MLLT10: variants seen among roughly 807,000 people sequenced by gnomAD.
The protein encoded by MLLT10 is protein AF-10.
In MLLT10, 30 loss-of-function variants were observed where a neutral mutation model predicts 129.1. The observed-to-expected ratio is 0.23, with a 90% CI of 0.17 to 0.32. The LOEUF is 0.32. MLLT10 is among the 10% of genes least tolerant of loss of function. MLLT10 has a pLI of 1.00. For missense variants in MLLT10, 1,119 were observed against 1,268.3 expected (o/e 0.88, Z 1.79); for synonymous variants, 490 against 446.4 (o/e 1.10, Z -1.23).
chr10:21,536,921 T>G (rs1291683179), intron 2 of MLLT10, among the ~76,000 whole-genome samples: 1 of 151,900 alleles, frequency 6.6e-6, no homozygotes, highest in African/African-American at 2.4e-5. Context: ...GTAGCTGGGA[T>G]TGCAGGCATG....
intron 3 of MLLT10, among the ~76,000 whole-genome samples, chr10:21,580,185 A>G (rs1215528159): frequency 2.6e-5 from 4 of 151,550 alleles, no homozygotes; most frequent in Non-Finnish European, 4.4e-5. Flanking sequence ...CGCTCGGCTT[A>G]TAGTTTCTTT....
At chr10:21,698,142 T>C (rs2054549799) in intron 13 of MLLT10, among the ~76,000 whole-genome samples, 1 of 152,196 alleles carries the variant, frequency 6.6e-6, no homozygotes, top group African/African-American at 2.4e-5. Flanking sequence ...TAGCCTTCTG[T>C]CGAACATTAA....
chr10:21,574,483 G>A (rs560194055), intron 3 of MLLT10, among the ~76,000 whole-genome samples: 5 of 152,046 alleles, frequency 3.3e-5, no homozygotes, highest in African/African-American at 9.7e-5. Flanking sequence ...AATTTGAGGC[G>A]GATTCATAGA....
intron 7 of MLLT10, among the ~76,000 whole-genome samples, chr10:21,616,555 A>G (rs949542401): frequency 2.0e-5 from 3 of 152,236 alleles, no homozygotes; most frequent in Non-Finnish European, 4.4e-5. Context: ...TGAAAAGTGC[A>G]TGAGTCTAAT....
At chr10:21,740,264 A>C (rs752842817) in intron 22 of MLLT10, 28 bp downstream of exon 22, 28 of 1,598,730 alleles carry the variant, frequency 1.8e-5, no homozygotes, top group Non-Finnish European at 2.4e-5. Context: ...ACTACATCTA[A>C]TGAAACAAGA....
At chr10:21,633,398 C>A (rs2047178737) in intron 8 of MLLT10, among the ~76,000 whole-genome samples, 6 of 152,100 alleles carry the variant, frequency 3.9e-5, no homozygotes, top group Admixed American at 3.9e-4. Flanking sequence ...ATAGTGTATT[C>A]CCAGTTTTGG....
Position 21,726,207 on chromosome 10 carries a change from A to T in MLLT10, c.1879-37A>T, listed in dbSNP as rs749207756. Reference sequence around the variant, plus strand: ...GGGAAAACTTTTAATATATTTTCACATATAATTCATTTATCATTGTAATTT... The same window carrying T: ...GGGAAAACTTTTAATATATTTTCACTTATAATTCATTTATCATTGTAATTT... On this transcript the variant is annotated intron_variant, in intron 14 of 22. Coordinates refer to ENST00000307729, the MANE Select transcript of MLLT10 (RefSeq NM_001195626.3). 2.9e-5 allele frequency: 38 copies of T among 1,303,830 alleles called. No homozygotes were observed. In the Admixed American group the frequency reaches 6.0e-4, roughly 21 times the overall value. The allele number at this position is 1,303,830 out of a possible 1,614,324, so 80.8% of individuals were successfully genotyped here. A position where few individuals can be genotyped will look rare whatever the true frequency, so the allele number is the denominator to read the frequency against.
In MLLT10 at chr10:21,713,955, G is replaced by C; in HGVS notation, c.1878+5G>C. 1 of 1,605,436 alleles carries C rather than the reference G, an allele frequency of 6.2e-7. No homozygotes were observed. Among genetic ancestry groups the C allele is most frequent in the Non-Finnish European group, 8.5e-7 (1 of 1,175,982 alleles). ...CCTGCTGTTGCTACAACTCAGGTAA[G>C]TTGTTACACTATCATGTGACAGGTA... is the stretch of plus-strand genomic sequence containing the variant. On this transcript the variant is annotated splice_donor_5th_base_variant and intron_variant, in intron 14 of 22. Transcript: ENST00000307729.
intron 13 of MLLT10, among the ~76,000 whole-genome samples, chr10:21,693,835 G>A (rs1413502398): frequency 2.0e-5 from 3 of 151,984 alleles, no homozygotes; most frequent in Non-Finnish European, 4.4e-5. Context: ...TGAGTAATTT[G>A]TTTAGATGTT....
intron 3 of MLLT10, among the ~76,000 whole-genome samples, chr10:21,585,930 T>A (rs2041941285): frequency 6.6e-6 from 1 of 152,162 alleles, no homozygotes; most frequent in East Asian, 1.9e-4. Flanking sequence ...CCTGGCTAAT[T>A]TTTTATTTTT....
At chr10:21,717,716 T>TTCC (rs878993054) in intron 14 of MLLT10, among the ~76,000 whole-genome samples, 11 of 17,464 alleles carry the variant, frequency 6.3e-4, no homozygotes, top group African/African-American at 1.9e-3. Context: ...CCTCCTCCTC[T>TTCC]TCCTCCTCCT....
At position 21,682,219 on chromosome 10, in the gene MLLT10, T is replaced by C; in HGVS notation, c.1667-6T>C. 5.6e-6 allele frequency: 9 copies of C among 1,609,638 alleles called. No individual in the cohort carries two copies. Among genetic ancestry groups the C allele is most frequent in the Non-Finnish European group, 7.6e-6 (9 of 1,178,360 alleles). On this transcript the variant is annotated splice_polypyrimidine_tract_variant and splice_region_variant and intron_variant, in intron 12 of 22. Transcript: ENST00000307729. ...AACCTGAAGTCCTTTTTTCCTTACT[T>C]AAAAGCGTTCTCAGAGTTGCTGAAT... is the stretch of plus-strand genomic sequence containing the variant.
chr10:21,651,333 G>A (rs2049012973), intron 8 of MLLT10, among the ~76,000 whole-genome samples: 1 of 152,100 alleles, frequency 6.6e-6, no homozygotes, highest in African/African-American at 2.4e-5. Context: ...GCTTCCCAAA[G>A]TGCTGGGATT....
At chr10:21,556,832 A>T (rs767153609) in intron 3 of MLLT10, 1 of 1,555,666 alleles carries the variant, frequency 6.4e-7, no homozygotes, top group East Asian at 2.4e-5. Flanking sequence ...TCAGTCATTT[A>T]CCACTTGTCA....
intron 7 of MLLT10, 139 bp downstream of exon 7, chr10:21,615,063 AT>A: frequency 1.6e-6 from 1 of 633,538 alleles, no homozygotes; most frequent in Non-Finnish European, 2.6e-6. Flanking sequence ...CATGTTCTTT[AT>A]TGGAAGTAAA....
intron 14 of MLLT10, among the ~76,000 whole-genome samples, chr10:21,717,548 TCTTTC>T (rs2056715968): frequency 1.2e-5 from 1 of 86,780 alleles, no homozygotes; most frequent in African/African-American, 4.8e-5. Context: ...CCTCCCTTCT[TCTTTC>T]TTCTTCTTTC....
rs1237891001 is a variant in MLLT10, at chr10:21,689,659, ATAT to A, written c.1699+7404_1699+7406del. On this transcript the variant is annotated intron_variant, in intron 13 of 22. Coordinates refer to ENST00000307729, the MANE Select transcript of MLLT10 (RefSeq NM_001195626.3). ...CACACATTTATATATATATATATAT[ATAT>A]TTTTTTTTTCTTGGCATGTTTTACC... Among the ~76,000 whole-genome samples the A allele has an allele frequency of 3.3e-3, 465 of 141,832 alleles. 4 individuals carry two copies. Among genetic ancestry groups the A allele is most frequent in the African/African-American group, 0.012 (443 of 38,080 alleles). The allele number at this position is 141,832 out of a possible 152,430, so 93.0% of individuals were successfully genotyped here.
chr10:21,625,166 TA>T, intron 8 of MLLT10: 2 of 1,361,812 alleles, frequency 1.5e-6, no homozygotes, highest in Non-Finnish European at 2.1e-6. Flanking sequence ...GGTGTAGTGA[TA>T]ATCTTCATAT....
intron 3 of MLLT10, among the ~76,000 whole-genome samples, chr10:21,575,421 T>G (rs1040628589): frequency 3.9e-5 from 6 of 152,204 alleles, no homozygotes; most frequent in African/African-American, 1.4e-4. Flanking sequence ...GGTCTTGAAC[T>G]TGCGACCTCA....
Sources: gnomAD v4.1 joint callset for allele counts (sites outside exome capture counted in the v4.1 genomes callset) on GRCh38, gnomAD v4.1.1 for gene constraint, MANE v1.5 for transcripts, NCBI Gene and HGNC (gene_info 2026-07-23, HGNC 2026-07-21) for gene names.